MOGAT1: variants seen among roughly 807,000 people sequenced by gnomAD.
The protein encoded by MOGAT1 is 2-acylglycerol O-acyltransferase 1.
In MOGAT1, 32 loss-of-function variants were observed where a neutral mutation model predicts 31.4. The ratio of observed to expected loss-of-function variants is 1.02; its 90% CI spans 0.77 to 1.37. The LOEUF (loss-of-function observed/expected upper bound fraction) is 1.37, where lower values mean the gene tolerates loss of function less well. Among genes scored for constraint, MOGAT1 ranks in the 40% most tolerant of loss-of-function variants. The probability of loss-of-function intolerance (pLI) is 0.00; values close to 1 mark genes in which losing one functional copy is unlikely to be tolerated. For synonymous variants in MOGAT1, 145 were observed against 144.5 expected (o/e 1.00, Z -0.03); for missense variants, 426 against 402.0 (o/e 1.06, Z -0.51).
rs147696119 is a variant in MOGAT1, at chr2:222,697,307, T to C, written c.853+2019T>C. On this transcript the variant is annotated intron_variant, in intron 5 of 5. Transcript: ENST00000446656. Reference sequence around the variant, plus strand: ...CATCAGTTTATAAGTGCTTTCCATTTAATATGCAATCACATGACATTATTT... The same window carrying C: ...CATCAGTTTATAAGTGCTTTCCATTCAATATGCAATCACATGACATTATTT... Among the ~76,000 whole-genome samples, 990 of 152,346 alleles carry C rather than the reference T, an allele frequency of 6.5e-3. 12 individuals are homozygous for C. Among genetic ancestry groups the C allele is most frequent in the African/African-American group, 0.023 (937 of 41,566 alleles).
intron 5 of MOGAT1, among the ~76,000 whole-genome samples, chr2:222,700,721 T>A (rs1487041251): frequency 2.0e-5 from 3 of 152,154 alleles, no homozygotes; most frequent in Admixed American, 2.0e-4. Flanking sequence ...CATTTACAAT[T>A]CCATAAAAAA....
In MOGAT1 at chr2:222,695,169, G is replaced by C. The variant is rs746677852; in HGVS notation, c.734G>C (p.Arg245Thr). ...GACAACCCTGAAGGATCATGGATTA[G>C]AACTGTTCAGAATAAACTGCAGAAG... ...QTDNPEGSWI[R>T]TVQNKLQKIM... The change falls in exon 5 of 6, where the codon AGA (arginine) becomes ACA (threonine). Residue 245 changes from arginine to threonine, a missense_variant. Arg to Thr is a moderately conservative substitution (Grantham distance 71). Transcript: ENST00000446656. 1 of 1,613,690 alleles carries C rather than the reference G, an allele frequency of 6.2e-7. No homozygotes were observed. Among genetic ancestry groups the C allele is most frequent in the South Asian group, 1.1e-5 (1 of 91,038 alleles).
At chr2:222,681,274 G>T (rs1692576805) in intron 1 of MOGAT1, among the ~76,000 whole-genome samples, 1 of 152,194 alleles carries the variant, frequency 6.6e-6, no homozygotes, top group Non-Finnish European at 1.5e-5. Flanking sequence ...CCAACCACAA[G>T]TCCAGGTTGG....
chr2:222,705,025 C>T (rs981242106), intron 5 of MOGAT1, among the ~76,000 whole-genome samples: 18 of 152,084 alleles, frequency 1.2e-4, no homozygotes, highest in Non-Finnish European at 2.2e-4. Flanking sequence ...ATGGCCACTC[C>T]GTAAACAGAG....
chr2:222,682,746 A>G (rs759148433), intron 1 of MOGAT1, among the ~76,000 whole-genome samples: 3 of 152,248 alleles, frequency 2.0e-5, no homozygotes, highest in African/African-American at 4.8e-5. Context: ...TTGTTCGGCT[A>G]TAAAAAGGAA....
chr2:222,687,250 T>C (rs1692689285), intron 1 of MOGAT1, among the ~76,000 whole-genome samples: 1 of 152,064 alleles, frequency 6.6e-6, no homozygotes, highest in Non-Finnish European at 1.5e-5. Flanking sequence ...ATTTCTCAGA[T>C]ACTTTGGTGG....
In MOGAT1 at chr2:222,692,264, A is replaced by G. The variant is rs370688383; in HGVS notation, c.479-2098A>G. Among the ~76,000 whole-genome samples the G allele has an allele frequency of 1.9e-4, 29 of 152,358 alleles. No individual in the cohort carries two copies. In the South Asian group the frequency reaches 5.8e-3, roughly 30 times the overall value. ...ACTGGAGATACAGAAGAGGAGATTA[A>G]TATCAAAAATATTTGATACAGTCTC... On this transcript the variant is annotated intron_variant, in intron 3 of 5. Coordinates refer to ENST00000446656, the MANE Select transcript of MOGAT1 (RefSeq NM_058165.3).
intron 1 of MOGAT1, among the ~76,000 whole-genome samples, chr2:222,674,020 A>G (rs1171225229): frequency 6.6e-6 from 1 of 152,214 alleles, no homozygotes; most frequent in Non-Finnish European, 1.5e-5. Context: ...CCTCACAGCA[A>G]CCTGGTGAGG....
intron 2 of MOGAT1, among the ~76,000 whole-genome samples, chr2:222,688,770 G>T (rs1161514222): frequency 1.3e-5 from 2 of 152,150 alleles, no homozygotes; most frequent in African/African-American, 4.8e-5. Flanking sequence ...TGCTGCATCA[G>T]CCCATAGCGC....
At chr2:222,675,920 C>T (rs73993408) in intron 1 of MOGAT1, among the ~76,000 whole-genome samples, 6,069 of 152,190 alleles carry the variant, frequency 0.04, 183 homozygotes, top group African/African-American at 0.08. Flanking sequence ...GGAGTTGATA[C>T]AATAGTTACT....
At chr2:222,684,875 G>A (rs147428667) in intron 1 of MOGAT1, among the ~76,000 whole-genome samples, 7 of 152,138 alleles carry the variant, frequency 4.6e-5, no homozygotes, top group East Asian at 3.9e-4. Flanking sequence ...GTGCCCAGCC[G>A]TATTTTACTT....
chr2:222,691,548 C>G (rs570827111), intron 3 of MOGAT1, among the ~76,000 whole-genome samples: 1 of 152,228 alleles, frequency 6.6e-6, no homozygotes, highest in African/African-American at 2.4e-5. Flanking sequence ...TTCTGTGGTA[C>G]AACCTTCAGT....
Position 222,675,566 on chromosome 2 carries a change from G to A in MOGAT1, c.94+3687G>A, listed in dbSNP as rs971394011. On this transcript the variant is annotated intron_variant, in intron 1 of 5. Coordinates refer to ENST00000446656, the MANE Select transcript of MOGAT1 (RefSeq NM_058165.3). Reference sequence around the variant, plus strand: ...GCGATCTCGGCTCACTGCAAGCTCCGCCTCCCGGGTTCATGCCATTCTCCT... The same window carrying A: ...GCGATCTCGGCTCACTGCAAGCTCCACCTCCCGGGTTCATGCCATTCTCCT... Among the ~76,000 whole-genome samples, 84 of 145,686 alleles carry A rather than the reference G, an allele frequency of 5.8e-4. 1 individual carries two copies. Among genetic ancestry groups the A allele is most frequent in the African/African-American group, 2.1e-3 (82 of 39,762 alleles).
At chr2:222,709,698 T>C in intron 5 of MOGAT1, 38 bp from the exon 6 acceptor site, 1 of 1,598,838 alleles carries the variant, frequency 6.3e-7, no homozygotes, top group Non-Finnish European at 8.5e-7. Context: ...GTGGAGTGGT[T>C]TTAGTTCCTC....
chr2:222,676,237 T>C (rs1692496186), intron 1 of MOGAT1, among the ~76,000 whole-genome samples: 1 of 152,034 alleles, frequency 6.6e-6, no homozygotes, highest in South Asian at 2.1e-4. Context: ...TCCTCCCACC[T>C]TGACCTCTTA....
At chr2:222,673,209 G>A (rs896196203) in intron 1 of MOGAT1, among the ~76,000 whole-genome samples, 5 of 150,280 alleles carry the variant, frequency 3.3e-5, no homozygotes, top group Non-Finnish European at 7.4e-5. Flanking sequence ...CACCGCGCCC[G>A]GCTCATCCCT....
chr2:222,690,691 C>T (rs937093112), intron 3 of MOGAT1, among the ~76,000 whole-genome samples: 14 of 152,150 alleles, frequency 9.2e-5, no homozygotes, highest in Non-Finnish European at 1.9e-4. Flanking sequence ...CAGAATTCAC[C>T]GCTGAGTTTT....
chr2:222,694,540 A>G lies in MOGAT1; in HGVS notation c.653+4A>G. ...TTAAAATTGCTTTGACCCATGGGTA[A>G]GTGGCTTTTTGTATAAAGTAGGGGG... On this transcript the variant is annotated splice_donor_region_variant and intron_variant, in intron 4 of 5. Coordinates refer to ENST00000446656, the MANE Select transcript of MOGAT1 (RefSeq NM_058165.3). The G allele has an allele frequency of 6.2e-7, 1 of 1,612,034 alleles. No homozygotes were observed. Among genetic ancestry groups the G allele is most frequent in the Non-Finnish European group, 8.5e-7 (1 of 1,179,248 alleles).
chr2:222,708,925 T>C (rs1693070568), intron 5 of MOGAT1, among the ~76,000 whole-genome samples: 1 of 152,238 alleles, frequency 6.6e-6, no homozygotes, highest in Non-Finnish European at 1.5e-5. Context: ...ATTGAGACGT[T>C]AGCTGTTTTT....
Sources: allele counts gnomAD v4.1 joint callset (sites outside exome capture counted in the v4.1 genomes callset), GRCh38; gene constraint gnomAD v4.1.1; transcripts MANE v1.5; gene names NCBI Gene and HGNC (gene_info 2026-07-23, HGNC 2026-07-21).